Variants in RBFOX1 observed in about 807,000 individuals in gnomAD.
RBFOX1 encodes the protein RNA binding fox-1 homolog 1, also known as RNA binding protein fox-1 homolog 1.
Under a neutral mutation model 57.7 loss-of-function variants are expected in RBFOX1, and 8 were observed. The observed-to-expected ratio is 0.14, with a 90% CI of 0.08 to 0.25. The LOEUF (loss-of-function observed/expected upper bound fraction) is 0.25, where lower values mean the gene tolerates loss of function less well. RBFOX1 is among the 10% of genes least tolerant of loss of function. RBFOX1 has a pLI of 1.00. For missense variants in RBFOX1, 611 were observed against 548.5 expected, an observed-to-expected ratio of 1.11 and a Z score of -1.14; for synonymous variants, 326 against 222.4, an observed-to-expected ratio of 1.47 and a Z score of -4.15.
intron 1 of RBFOX1, among the ~76,000 whole-genome samples, chr16:6,106,804 A>G (rs1156572908): frequency 6.6e-6 from 1 of 152,048 alleles, no homozygotes; most frequent in Non-Finnish European, 1.5e-5. Flanking sequence ...AGTAGCTGGG[A>G]CCACAGATGC....
intron 1 of RBFOX1, among the ~76,000 whole-genome samples, chr16:6,254,918 C>T (rs1175963624): frequency 3.3e-5 from 5 of 152,012 alleles, no homozygotes; most frequent in Non-Finnish European, 5.9e-5. Context: ...CACTGTCTAC[C>T]GTTGACCCAT....
intron 3 of RBFOX1, among the ~76,000 whole-genome samples, chr16:5,717,069 AAAT>A (rs1254643634): frequency 2.0e-5 from 3 of 152,304 alleles, no homozygotes; most frequent in African/African-American, 7.2e-5. Context: ...TGGCTGTCAG[AAAT>A]TAGAAATTCT....
chr16:6,265,500 G>A (rs1172225479), intron 1 of RBFOX1, among the ~76,000 whole-genome samples: 1 of 152,112 alleles, frequency 6.6e-6, no homozygotes, highest in Non-Finnish European at 1.5e-5. Context: ...GACCTCAAGT[G>A]ATCCACCCAC....
At chr16:6,511,031 A>T (rs943338486) in intron 2 of RBFOX1, among the ~76,000 whole-genome samples, 1 of 152,132 alleles carries the variant, frequency 6.6e-6, no homozygotes, top group African/African-American at 2.4e-5. Flanking sequence ...TGAGGGGTGT[A>T]TGTTTAAAAG....
intron 4 of RBFOX1, among the ~76,000 whole-genome samples, chr16:7,073,698 T>C (rs189877005): frequency 1.3e-5 from 2 of 151,136 alleles, no homozygotes; most frequent in Admixed American, 6.6e-5. Context: ...TAAAAAAAAA[T>C]ATATACAAAA....
intron 3 of RBFOX1, among the ~76,000 whole-genome samples, chr16:5,828,675 G>C (rs1432719067): frequency 2.0e-5 from 3 of 151,986 alleles, no homozygotes; most frequent in African/African-American, 7.3e-5. Flanking sequence ...GTCCAGCCTG[G>C]TGAGCGAGAC....
intron 4 of RBFOX1, among the ~76,000 whole-genome samples, chr16:7,288,823 A>G (rs2095702281): frequency 6.6e-6 from 1 of 152,246 alleles, no homozygotes; most frequent in East Asian, 1.9e-4. Flanking sequence ...CCTGCGCGAT[A>G]AAGCAAGGCT....
rs569077188 is a variant in RBFOX1 at position 7,081,231 on chromosome 16, C to T, written c.27+29133C>T. On this transcript the variant is annotated intron_variant, in intron 4 of 15. Transcript: ENST00000550418. Reference sequence around the variant, plus strand: ...TGTATTTTTAGTGGAGGCAGGGTTTCGCCATGTTGGCTGGGCTGGTCTTGA... The same window carrying T: ...TGTATTTTTAGTGGAGGCAGGGTTTTGCCATGTTGGCTGGGCTGGTCTTGA... Among the ~76,000 whole-genome samples the T allele has an allele frequency of 5.3e-5, 8 of 152,314 alleles. No individual in the cohort carries two copies. The South Asian group carries it at 1.2e-3, about 24-fold the overall frequency.
chr16:6,612,014 T>C (rs889973007), intron 2 of RBFOX1, among the ~76,000 whole-genome samples: 1 of 152,126 alleles, frequency 6.6e-6, no homozygotes, highest in Non-Finnish European at 1.5e-5. Context: ...GATGAAAAAA[T>C]TCCTTTTGGT....
intron 3 of RBFOX1, among the ~76,000 whole-genome samples, chr16:6,938,484 A>C (rs543103812): frequency 1.3e-5 from 2 of 152,302 alleles, no homozygotes; most frequent in Admixed American, 6.5e-5. Context: ...AGAAATTTCT[A>C]AGTCTCATCC....
intron 1 of RBFOX1, among the ~76,000 whole-genome samples, chr16:5,294,222 C>G (rs1165389619): frequency 1.3e-5 from 2 of 152,122 alleles, no homozygotes; most frequent in South Asian, 2.1e-4. Context: ...GAACAAGATT[C>G]TGTCTCAAAA....
chr16:7,352,948 T>G (rs2097154055), intron 4 of RBFOX1, among the ~76,000 whole-genome samples: 1 of 152,078 alleles, frequency 6.6e-6, no homozygotes, highest in African/African-American at 2.4e-5. Flanking sequence ...ACTGCTAGGC[T>G]TCAGTGATCT....
chr16:6,552,415 G>C (rs1489710273), intron 2 of RBFOX1, among the ~76,000 whole-genome samples: 2 of 152,136 alleles, frequency 1.3e-5, no homozygotes, highest in African/African-American at 4.8e-5. Flanking sequence ...ACTCAGTAAT[G>C]TCATCTGTAA....
At chr16:7,709,667 CTAGTACATAAGA>C (rs1320919054) in intron 15 of RBFOX1, 3 of 1,498,010 alleles carry the variant, frequency 2.0e-6, no homozygotes, top group Non-Finnish European at 2.7e-6. Flanking sequence ...GTGTGTGTAC[CTAGTACATAAGA>C]AAGTAGAAGG....
intron 3 of RBFOX1, among the ~76,000 whole-genome samples, chr16:6,705,812 G>A (rs764353746): frequency 6.6e-6 from 1 of 152,144 alleles, no homozygotes; most frequent in Non-Finnish European, 1.5e-5. Context: ...GAGCTCAGGA[G>A]TCCAAGACCA....
At chr16:6,569,209 C>G (rs2097309779) in intron 2 of RBFOX1, among the ~76,000 whole-genome samples, 1 of 152,156 alleles carries the variant, frequency 6.6e-6, no homozygotes, top group Non-Finnish European at 1.5e-5. Context: ...TTATCTAATA[C>G]TCTGTATTAG....
intron 2 of RBFOX1, among the ~76,000 whole-genome samples, chr16:5,530,034 C>T (rs962925114): frequency 6.6e-6 from 1 of 152,118 alleles, no homozygotes; most frequent in African/African-American, 2.4e-5. Flanking sequence ...ACCATGCAGA[C>T]ACCTTGCTTT....
intron 1 of RBFOX1, among the ~76,000 whole-genome samples, chr16:5,367,709 G>A (rs1001038258): frequency 1.8e-4 from 27 of 152,100 alleles, no homozygotes; most frequent in African/African-American, 5.8e-4. Context: ...TCATAACTGC[G>A]CTAAAAGGTA....
At chr16:7,395,993 G>C (rs1469500866) in intron 4 of RBFOX1, among the ~76,000 whole-genome samples, 3 of 152,152 alleles carry the variant, frequency 2.0e-5, no homozygotes, top group African/African-American at 7.2e-5. Context: ...GGCAGGGCTT[G>C]GCAAGGAGGG....
Sources: allele counts gnomAD v4.1 joint callset (sites outside exome capture counted in the v4.1 genomes callset), GRCh38; gene constraint gnomAD v4.1.1; transcripts MANE v1.5; gene names NCBI Gene and HGNC (gene_info 2026-07-23, HGNC 2026-07-21).